The following ZNF33B variants were observed in gnomAD, a reference collection of about 807,000 sequenced individuals.
ZNF33B encodes zinc finger protein 11b (KOX 2).
A neutral mutation model predicts 45.8 loss-of-function variants in ZNF33B; 29 were observed. That is an observed-to-expected ratio of 0.63 (90% CI 0.47 to 0.86). The LOEUF is 0.86. ZNF33B is among the 40% of genes least tolerant of loss of function. ZNF33B has a pLI of 0.00. For missense variants in ZNF33B, 831 were observed against 909.9 expected (o/e 0.91, Z 1.12); for synonymous variants, 305 against 307.8 (o/e 0.99, Z 0.10).
At position 42,601,795 on chromosome 10, in the gene ZNF33B, T is replaced by C. The variant is rs1191691818; in HGVS notation, c.251-7096A>G. On this transcript the variant is annotated intron_variant, in intron 4 of 4. Coordinates refer to ENST00000359467, the MANE Select transcript of ZNF33B (RefSeq NM_006955.3). Reference sequence around the variant, plus strand: ...CCCAAGGGCTTGCTTATTTTTCAAATATGCTTTTTCTCTGTTTCATTTGTA... The same window carrying C: ...CCCAAGGGCTTGCTTATTTTTCAAACATGCTTTTTCTCTGTTTCATTTGTA... Among the ~76,000 whole-genome samples the C allele has an allele frequency of 2.6e-5, 4 of 152,022 alleles. No individual in the cohort carries two copies. In the East Asian group the frequency reaches 7.7e-4, roughly 29 times the overall value.
rs1837112521 is a variant in ZNF33B, at chr10:42,591,315, G to A, written c.*1298C>T. 1 of 778,076 alleles carries A rather than the reference G, an allele frequency of 1.3e-6. No individual in the cohort carries two copies. 48.2% of individuals were successfully genotyped at this position (778,076 alleles called of 1,614,324 possible). On this transcript the variant is annotated 3_prime_UTR_variant, in exon 5 of 5. Transcript: ENST00000359467. ...GGACTATCACTTACGCTGAAGGCTG[G>A]AGTGTTCACATATGTACCCCAGGCA...
chr10:42,593,004 T>G lies in ZNF33B; in HGVS notation c.1946A>C (p.Lys649Thr). The change falls in exon 5 of 5, where the codon AAG becomes ACG. Residue 649 changes from lysine to threonine, a missense_variant. Lys to Thr is a moderately conservative substitution (Grantham distance 78, BLOSUM62 -1). Transcript: ENST00000359467. ...CNECGKAFCH[K>T]SALIVHQRTH... ...TCTCTGATGTACAATTAGAGCTGAC[T>G]TATGGCAGAAAGCTTTTCCACACTC... is the stretch of plus-strand genomic sequence containing the variant. 8 of 1,614,142 alleles carry G rather than the reference T, an allele frequency of 5.0e-6. No individual in the cohort carries two copies. The East Asian group carries it at 1.8e-4, about 36-fold the overall frequency.
downstream of ZNF33B, among the ~76,000 whole-genome samples, chr10:42,585,298 C>A (rs958132540): frequency 1.3e-5 from 2 of 152,196 alleles, no homozygotes; most frequent in African/African-American, 4.8e-5. Flanking sequence ...ATGAACACGA[C>A]CTCCTTCCTG....
In ZNF33B at chr10:42,592,721, A is replaced by G. The variant is rs111399489; in HGVS notation, c.2229T>C (p.His743=). ...TACATTCATAGGGCTTTTCCCCTGTATGTGATCTCTGATGTTTAGCAAGGT... is the reference window on the plus strand; with the variant it reads ...TACATTCATAGGGCTTTTCCCCTGTGTGTGATCTCTGATGTTTAGCAAGGT... The part of the protein sequence containing the change: ...KSDLAKHQRS[H]TGEKPYECNT... Residue 743 remains histidine (H), a synonymous_variant, in exon 5 of 5, where the codon CAT becomes CAC. Transcript: ENST00000359467. 11 of 1,613,968 alleles carry G rather than the reference A, an allele frequency of 6.8e-6. No individual in the cohort carries two copies. In the East Asian group the frequency reaches 2.2e-4, roughly 33 times the overall value.
At chr10:42,619,968 C>T (rs1402701268) in intron 4 of ZNF33B, among the ~76,000 whole-genome samples, 1 of 151,988 alleles carries the variant, frequency 6.6e-6, no homozygotes, top group Non-Finnish European at 1.5e-5. Context: ...TAATCTCAAG[C>T]ACTTTGGGAG....
At chr10:42,578,223 GA>G (rs1466118568) in intron 1 of ZNF33B, among the ~76,000 whole-genome samples, 12 of 152,220 alleles carry the variant, frequency 7.9e-5, no homozygotes, top group African/African-American at 2.9e-4. Flanking sequence ...AGGGCTGCAG[GA>G]AAGACCCAGC....
Position 42,632,412 on chromosome 10 carries a change from A to T in ZNF33B, c.37T>A (p.Ser13Thr). Residue 13 changes from serine to threonine, a missense_variant, in exon 3 of 5, where the codon TCA becomes ACA. By Grantham distance (58) the Ser-to-Thr change is moderately conservative. Coordinates refer to ENST00000359467, the MANE Select transcript of ZNF33B (RefSeq NM_006955.3). ...KVDQKFQGSVSFKDVTVGFTQ... is the reference protein window; with the variant it reads ...KVDQKFQGSVTFKDVTVGFTQ... ...AAGCCCACAGTCACATCTTTAAATG[A>T]TACTGACCCCTGGAACTTCTGATCT... 1 of 1,613,574 alleles carries T rather than the reference A, an allele frequency of 6.2e-7. No individual in the cohort carries two copies. The highest frequency in any genetic ancestry group is 2.2e-5 in the East Asian group (1 of 44,868).
chr10:42,612,339 C>T (rs1038687819), intron 4 of ZNF33B, among the ~76,000 whole-genome samples: 3 of 148,812 alleles, frequency 2.0e-5, no homozygotes, highest in African/African-American at 7.5e-5. Context: ...AGGTTCTAAG[C>T]GATTCTCCTG....
chr10:42,583,663 T>C (rs1004018233), intron 1 of ZNF33B, among the ~76,000 whole-genome samples: 2 of 152,284 alleles, frequency 1.3e-5, no homozygotes, highest in Middle Eastern at 3.4e-3. Context: ...TCTCCACTTT[T>C]GTGGGAAAAT....
intron 2 of ZNF33B, among the ~76,000 whole-genome samples, chr10:42,635,159 G>A (rs1441742781): frequency 2.0e-5 from 3 of 151,866 alleles, no homozygotes; most frequent in Non-Finnish European, 4.4e-5. Context: ...GAGAATCCCT[G>A]GAGCCCTGAA....
intron 1 of ZNF33B, among the ~76,000 whole-genome samples, 185 bp downstream of exon 1, chr10:42,638,289 A>G (rs1420200011): frequency 6.6e-6 from 1 of 152,220 alleles, no homozygotes; most frequent in African/African-American, 2.4e-5. Context: ...CCCGCTCCCT[A>G]CAGAGGCTGC....
intron 4 of ZNF33B, among the ~76,000 whole-genome samples, chr10:42,611,688 A>C (rs73266627): frequency 0.021 from 3,217 of 152,346 alleles, 81 homozygotes; most frequent in African/African-American, 0.063. Flanking sequence ...ATACTGGCTA[A>C]TAATATATGT....
In ZNF33B at chr10:42,638,458, A is replaced by C; in HGVS notation, c.-45+16T>G. The C allele has an allele frequency of 2.6e-6, 1 of 388,004 alleles. No homozygotes were observed. The highest frequency in any genetic ancestry group is 5.1e-6 in the Non-Finnish European group (1 of 194,804). 24.0% of individuals were successfully genotyped at this position (388,004 alleles called of 1,614,324 possible). On this transcript the variant is annotated intron_variant, in intron 1 of 4. Transcript: ENST00000359467. The stretch of plus-strand genomic sequence containing the variant: ...GGGGCCCCCTCTCCGTCCCTGCCCA[A>C]CCCGCGGAGGCTTACCTCACTCTCT...
At chr10:42,604,270 C>A (rs1837748797) in intron 4 of ZNF33B, among the ~76,000 whole-genome samples, 2 of 151,964 alleles carry the variant, frequency 1.3e-5, no homozygotes, top group South Asian at 2.1e-4. Context: ...CATGGTAAAA[C>A]CCTGTCTCTA....
At chr10:42,574,662 C>T (rs188151719) in exon 2 of ZNF33B, 2 of 152,180 alleles carry the variant, frequency 1.3e-5, no homozygotes, top group Non-Finnish European at 2.9e-5. Context: ...ACCACTCTCT[C>T]CTGAGGCTGA....
chr10:42,625,477 T>G (rs1161980663), intron 4 of ZNF33B, among the ~76,000 whole-genome samples: 5 of 151,492 alleles, frequency 3.3e-5, no homozygotes, highest in Non-Finnish European at 7.4e-5. Context: ...TTTTGTTTTC[T>G]TTTCTTTTTT....
intron 4 of ZNF33B, among the ~76,000 whole-genome samples, chr10:42,609,679 A>T (rs142354040): frequency 2.0e-5 from 3 of 152,288 alleles, no homozygotes; most frequent in African/African-American, 7.2e-5. Flanking sequence ...AATACTAGCA[A>T]ATTTCATCTA....
intron 4 of ZNF33B, among the ~76,000 whole-genome samples, chr10:42,612,975 C>A (rs1446224943): frequency 6.6e-6 from 1 of 152,120 alleles, no homozygotes; most frequent in Non-Finnish European, 1.5e-5. Flanking sequence ...TCACCTAAGT[C>A]ATGGGTTAAG....
At chr10:42,588,937 G>C (rs371996888), downstream of ZNF33B, among the ~76,000 whole-genome samples, 34 of 152,288 alleles carry the variant, frequency 2.2e-4, 1 homozygote, top group African/African-American at 8.2e-4. Context: ...CAGATGTCAA[G>C]AGAACCAAGA....
Sources: gnomAD v4.1 joint callset for allele counts (sites outside exome capture counted in the v4.1 genomes callset) on GRCh38, gnomAD v4.1.1 for gene constraint, MANE v1.5 for transcripts, NCBI Gene and HGNC (gene_info 2026-07-23, HGNC 2026-07-21) for gene names.